EEFSEC: variants seen among roughly 807,000 people sequenced by gnomAD.
The protein encoded by EEFSEC is eukaryotic elongation factor, selenocysteine-tRNA specific, also known as selenocysteine-specific elongation factor.
Under a neutral mutation model 42.1 loss-of-function variants are expected in EEFSEC, and 43 were observed. The ratio of observed to expected loss-of-function variants is 1.02; its 90% confidence interval spans 0.80 to 1.32. The LOEUF is 1.32. Ranked by LOEUF, EEFSEC falls within the 40% of genes most tolerant of loss-of-function variation. The pLI is 0.00. For synonymous variants in EEFSEC, 354 were observed against 339.1 expected (o/e 1.04, Z -0.48); for missense variants, 745 against 803.6 (o/e 0.93, Z 0.88).
intron 6 of EEFSEC, among the ~76,000 whole-genome samples, chr3:128,383,860 C>G (rs981545566): frequency 6.6e-6 from 1 of 152,224 alleles, no homozygotes; most frequent in Non-Finnish European, 1.5e-5. Flanking sequence ...CAGAGAGTAG[C>G]TGGTGTGCCC....
chr3:128,348,495 T>G (rs1367640480), intron 5 of EEFSEC, among the ~76,000 whole-genome samples: 1 of 152,216 alleles, frequency 6.6e-6, no homozygotes, highest in Non-Finnish European at 1.5e-5. Flanking sequence ...CTCTATTACA[T>G]TCTAACCTGC....
intron 1 of EEFSEC, among the ~76,000 whole-genome samples, chr3:128,154,787 C>T (rs1156672005): frequency 6.6e-6 from 1 of 152,092 alleles, no homozygotes; most frequent in East Asian, 1.9e-4. Flanking sequence ...TAATGATGGA[C>T]GTTTATGCTG....
At chr3:128,308,676 G>C (rs2066857855) in intron 4 of EEFSEC, among the ~76,000 whole-genome samples, 1 of 152,230 alleles carries the variant, frequency 6.6e-6, no homozygotes, top group African/African-American at 2.4e-5. Context: ...AAGGGAGCCA[G>C]TCTGGCTGAA....
chr3:128,387,458 A>G (rs1315855350), intron 6 of EEFSEC, among the ~76,000 whole-genome samples: 1 of 152,160 alleles, frequency 6.6e-6, no homozygotes, highest in East Asian at 1.9e-4. Context: ...TGATGCCAAG[A>G]AAGATCTGGG....
At chr3:128,164,334 G>A (rs944477734) in intron 1 of EEFSEC, among the ~76,000 whole-genome samples, 1 of 152,258 alleles carries the variant, frequency 6.6e-6, no homozygotes, top group African/African-American at 2.4e-5. Flanking sequence ...AAGATGTGGA[G>A]TGGTAAGGGC....
At chr3:128,350,670 T>C (rs1487769873) in intron 5 of EEFSEC, among the ~76,000 whole-genome samples, 3 of 152,280 alleles carry the variant, frequency 2.0e-5, no homozygotes, top group East Asian at 1.9e-4. Flanking sequence ...TTTGCCCATA[T>C]AGAGACACAG....
chr3:128,425,378 T>A, the EEFSEC span, among the ~76,000 whole-genome samples: 1 of 151,790 alleles, frequency 6.6e-6, no homozygotes, highest in Non-Finnish European at 1.5e-5. Flanking sequence ...GAGGTGTGGC[T>A]GTGGACGAGC....
the EEFSEC span, among the ~76,000 whole-genome samples, chr3:128,414,056 A>G: frequency 6.6e-6 from 1 of 152,216 alleles, no homozygotes; most frequent in African/African-American, 2.4e-5. Flanking sequence ...GCCATCTGCC[A>G]TCACTTCCTC....
intron 4 of EEFSEC, among the ~76,000 whole-genome samples, chr3:128,328,844 CT>C (rs1461489052): frequency 6.6e-6 from 1 of 152,136 alleles, no homozygotes; most frequent in Non-Finnish European, 1.5e-5. Flanking sequence ...TTTGATCCAC[CT>C]CAAGAAATAG....
intron 1 of EEFSEC, among the ~76,000 whole-genome samples, chr3:128,185,092 T>G (rs1158473972): frequency 6.6e-6 from 1 of 151,726 alleles, no homozygotes; most frequent in African/African-American, 2.4e-5. Flanking sequence ...AAAATTCAAA[T>G]AGCTCTGTAA....
intron 4 of EEFSEC, among the ~76,000 whole-genome samples, chr3:128,278,196 T>C (rs1427092275): frequency 6.6e-6 from 1 of 152,204 alleles, no homozygotes; most frequent in East Asian, 1.9e-4. Flanking sequence ...CCAGGACCTT[T>C]CTGGGGACTA....
At position 128,341,382 on chromosome 3, in the gene EEFSEC, C is replaced by A; in HGVS notation, c.936C>A (p.Val312=). 14 of 1,614,142 alleles carry A rather than the reference C, an allele frequency of 8.7e-6. No individual in the cohort carries two copies. Among genetic ancestry groups the A allele is most frequent in the Non-Finnish European group, 1.2e-5 (14 of 1,180,034 alleles). Residue 312 remains valine, a synonymous_variant, in exon 5 of 7, where the codon GTC becomes GTA. Coordinates refer to ENST00000254730, the MANE Select transcript of EEFSEC (RefSeq NM_021937.5). The part of the protein sequence containing the change: ...LVCAPESLHT[V]HAALISVEKI... ...GTGCCCCCGAGTCCCTGCACACTGT[C>A]CATGCGGCCCTCATCTCTGTGGAAA...
chr3:128,214,401 A>G (rs973804126), intron 1 of EEFSEC, among the ~76,000 whole-genome samples: 4 of 152,214 alleles, frequency 2.6e-5, no homozygotes, highest in Non-Finnish European at 5.9e-5. Context: ...ACTTTCCTTC[A>G]GGTCCTTTTG....
chr3:128,287,405 G>A (rs916256759), intron 4 of EEFSEC, among the ~76,000 whole-genome samples: 6 of 152,312 alleles, frequency 3.9e-5, no homozygotes, highest in African/African-American at 9.6e-5. Context: ...CTAAATGGGA[G>A]AGAGTGAGGA....
chr3:128,329,357 C>T (rs575785434), intron 4 of EEFSEC, among the ~76,000 whole-genome samples: 43 of 152,160 alleles, frequency 2.8e-4, no homozygotes, highest in Admixed American at 5.9e-4. Context: ...GTGTGACGGA[C>T]GTTCCTGAGC....
chr3:128,356,302 T>G (rs961807731), intron 5 of EEFSEC, among the ~76,000 whole-genome samples: 2 of 152,226 alleles, frequency 1.3e-5, no homozygotes, highest in Admixed American at 6.5e-5. Flanking sequence ...TGTGCCTTTT[T>G]TGTTTCTTGG....
intron 6 of EEFSEC, among the ~76,000 whole-genome samples, chr3:128,387,382 A>T (rs2067853241): frequency 2.0e-5 from 3 of 152,186 alleles, no homozygotes. Context: ...CCTTCTTCAA[A>T]GTTCAGAAAT....
At chr3:128,417,227 G>A in the EEFSEC span, among the ~76,000 whole-genome samples, 6 of 152,116 alleles carry the variant, frequency 3.9e-5, no homozygotes, top group Non-Finnish European at 5.9e-5. The surrounding 1 kb of genome is among the most constrained non-coding windows in gnomAD (Gnocchi z 4.3). Context: ...AAACCCTCTC[G>A]CCCGCACCTT....
At chr3:128,210,992 C>T (rs2065749910) in intron 1 of EEFSEC, among the ~76,000 whole-genome samples, 1 of 152,200 alleles carries the variant, frequency 6.6e-6, no homozygotes, top group South Asian at 2.1e-4. Flanking sequence ...AGTGGGAAAG[C>T]CAGAGCTTGG....
Sources: allele counts gnomAD v4.1 joint callset (sites outside exome capture counted in the v4.1 genomes callset), GRCh38; gene constraint gnomAD v4.1.1; non-coding constraint Gnocchi (gnomAD v3.1); transcripts MANE v1.5; gene names NCBI Gene and HGNC (gene_info 2026-07-23, HGNC 2026-07-21).